The following ADAMTS9 variants were observed in gnomAD, a reference collection of about 807,000 sequenced individuals.
ADAMTS9 encodes the protein ADAM metallopeptidase with thrombospondin type 1 motif 9.
In ADAMTS9, 107 loss-of-function variants were observed where a neutral mutation model predicts 257.1. The observed-to-expected ratio is 0.42, with a 90% CI of 0.36 to 0.49. The LOEUF (loss-of-function observed/expected upper bound fraction) is 0.49, where lower values mean the gene tolerates loss of function less well. Ranked by LOEUF, ADAMTS9 falls within the 20% of genes least tolerant of loss-of-function variation. The pLI, the probability that ADAMTS9 is intolerant of heterozygous loss-of-function variation, is 0.03. For synonymous variants in ADAMTS9, 982 were observed against 880.9 expected (o/e 1.11, Z -2.03); for missense variants, 2,353 against 2,469.1 (o/e 0.95, Z 1.00).
rs183420018 is a variant in ADAMTS9, at chr3:64,679,602, T to C, written c.679+1599A>G. Among the ~76,000 whole-genome samples the C allele has an allele frequency of 1.8e-4, 27 of 152,326 alleles. No homozygotes were observed. In the East Asian group the frequency reaches 4.0e-3, roughly 23 times the overall value. On this transcript the variant is annotated intron_variant, in intron 3 of 39. Coordinates refer to ENST00000498707, the MANE Select transcript of ADAMTS9 (RefSeq NM_182920.2). ...TTTAGGGGAGAAGAATATCATGAAG[T>C]GTCATTGGTCAATAAATTCATCAGT... is the stretch of plus-strand genomic sequence containing the variant.
chr3:64,671,121 C>T (rs550515273), intron 3 of ADAMTS9, among the ~76,000 whole-genome samples: 1 of 152,112 alleles, frequency 6.6e-6, no homozygotes, highest in African/African-American at 2.4e-5. Flanking sequence ...TTGTAATGGT[C>T]AAAAACTGTC....
intron 3 of ADAMTS9, among the ~76,000 whole-genome samples, chr3:64,668,143 G>T (rs771044888): frequency 2.0e-5 from 3 of 152,156 alleles, no homozygotes; most frequent in Non-Finnish European, 2.9e-5. Flanking sequence ...TGCCTCTCAG[G>T]CTGCTTTGTG....
rs139794777 is a variant in ADAMTS9 at position 64,554,949 on chromosome 3, T to G, written c.4699-3887A>C. The stretch of plus-strand genomic sequence containing the variant: ...GGTAGAAATTTTCTTTGCTTAAAGA[T>G]TATAATCAAGTTGCTTTACACTTTC... On this transcript the variant is annotated intron_variant, in intron 30 of 39. Coordinates refer to ENST00000498707, the MANE Select transcript of ADAMTS9 (RefSeq NM_182920.2). Among the ~76,000 whole-genome samples, 270 of 152,350 alleles carry G rather than the reference T, an allele frequency of 1.8e-3. 1 individual carries two copies. Among genetic ancestry groups the G allele is most frequent in the African/African-American group, 6.2e-3 (259 of 41,580 alleles).
intron 3 of ADAMTS9, among the ~76,000 whole-genome samples, chr3:64,679,093 C>T (rs6776363): frequency 6.6e-6 from 1 of 151,968 alleles, no homozygotes; most frequent in African/African-American, 2.4e-5. Context: ...TTTTAACTAA[C>T]GCATCTTCAT....
chr3:64,631,566 C>A lies in ADAMTS9; in HGVS notation c.2294-16G>T. 1 of 1,594,662 alleles carries A rather than the reference C, an allele frequency of 6.3e-7. No homozygotes were observed. The highest frequency in any genetic ancestry group is 8.6e-7 in the Non-Finnish European group (1 of 1,162,316). On this transcript the variant is annotated splice_polypyrimidine_tract_variant and intron_variant, in intron 15 of 39. Coordinates refer to ENST00000498707, the MANE Select transcript of ADAMTS9 (RefSeq NM_182920.2). ...GTATTGTAACCTGAAAAGAATTTAGCAGAAATTCAGTACTCCACAGAATGG... is the reference window on the plus strand; with the variant it reads ...GTATTGTAACCTGAAAAGAATTTAGAAGAAATTCAGTACTCCACAGAATGG...
At chr3:64,552,702 C>T (rs564640261) in intron 30 of ADAMTS9, among the ~76,000 whole-genome samples, 11 of 152,038 alleles carry the variant, frequency 7.2e-5, no homozygotes, top group Admixed American at 2.0e-4. Flanking sequence ...GGACTACAGG[C>T]ATGAGCCACC....
intron 3 of ADAMTS9, among the ~76,000 whole-genome samples, chr3:64,666,942 T>C (rs926144747): frequency 6.6e-6 from 1 of 151,958 alleles, no homozygotes; most frequent in Non-Finnish European, 1.5e-5. Flanking sequence ...AGGCTAGGAG[T>C]TCAAGACCAG....
Position 64,602,124 on chromosome 3 carries a change from G to A in ADAMTS9, c.3837C>T (p.Asp1279=), listed in dbSNP as rs777491406. 45 of 1,614,090 alleles carry A rather than the reference G, an allele frequency of 2.8e-5. No homozygotes were observed. The South Asian group carries it at 4.7e-4, about 17-fold the overall frequency. The part of the protein sequence containing the change: ...SDHVIDRSEC[D]QDYIPETDQD... ...GGTCAGTTTCTGGGATATAATCCTG[G>A]TCACACTCACTCCGATCGATCACGT... The change falls in exon 26 of 40, where the codon GAC becomes GAT. Residue 1279 remains aspartate (D), a synonymous_variant. Transcript: ENST00000498707.
chr3:64,664,241 C>T (rs1036319125), intron 3 of ADAMTS9, among the ~76,000 whole-genome samples: 5 of 152,038 alleles, frequency 3.3e-5, no homozygotes, highest in Admixed American at 6.6e-5. Flanking sequence ...TTTCCTCCTA[C>T]GTAGTTTTAC....
At chr3:64,624,173 A>C (rs1254249963) in intron 16 of ADAMTS9, among the ~76,000 whole-genome samples, 1 of 151,882 alleles carries the variant, frequency 6.6e-6, no homozygotes, top group Admixed American at 6.6e-5. Context: ...AGTTAACTTT[A>C]GTGTATTGCA....
intron 28 of ADAMTS9, among the ~76,000 whole-genome samples, chr3:64,574,572 A>AAAG (rs1559771770): frequency 6.6e-6 from 1 of 151,658 alleles, no homozygotes; most frequent in African/African-American, 2.4e-5. Context: ...AAAAAAAAAA[A>AAAG]AAAAAGAAAA....
chr3:64,517,844 A>G (rs1238947619), intron 39 of ADAMTS9, among the ~76,000 whole-genome samples: 1 of 152,070 alleles, frequency 6.6e-6, no homozygotes, highest in African/African-American at 2.4e-5. Context: ...TGATTTTTCC[A>G]TGCCTCCATC....
Position 64,631,921 on chromosome 3 carries a change from G to C in ADAMTS9, c.2180C>G (p.Ala727Gly). The change falls in exon 15 of 40, where the codon GCT becomes GGT. Residue 727 changes from alanine (A) to glycine (G), a missense_variant. Physicochemically the swap from Ala to Gly is moderately conservative, Grantham distance 60. Coordinates refer to ENST00000498707, the MANE Select transcript of ADAMTS9 (RefSeq NM_182920.2). ...DICVQGLCRQ[A>G]GCDHVLNSKA... Reference sequence around the variant, plus strand: ...TGAGTTTAAAACATGATCGCATCCAGCTTGCTTTTAAAAAGAAAAGATTTG... The same window carrying C: ...TGAGTTTAAAACATGATCGCATCCACCTTGCTTTTAAAAAGAAAAGATTTG... 1 of 1,611,158 alleles carries C rather than the reference G, an allele frequency of 6.2e-7. No individual in the cohort carries two copies. Among genetic ancestry groups the C allele is most frequent in the Non-Finnish European group, 8.5e-7 (1 of 1,178,108 alleles).
intron 28 of ADAMTS9, among the ~76,000 whole-genome samples, chr3:64,591,455 C>T (rs1334717444): frequency 2.6e-5 from 4 of 151,050 alleles, no homozygotes; most frequent in African/African-American, 9.7e-5. Context: ...AAAAAAGGAA[C>T]CTTATTTCAA....
intron 26 of ADAMTS9, among the ~76,000 whole-genome samples, chr3:64,599,160 T>G (rs769375379): frequency 6.6e-6 from 1 of 152,184 alleles, no homozygotes; most frequent in African/African-American, 2.4e-5. Flanking sequence ...ATCTGAATCC[T>G]GAGCCTGCTT....
At chr3:64,602,942 A>G (rs1454594044) in intron 25 of ADAMTS9, among the ~76,000 whole-genome samples, 1 of 152,188 alleles carries the variant, frequency 6.6e-6, no homozygotes, top group Non-Finnish European at 1.5e-5. Flanking sequence ...TTTCACAAAT[A>G]TCTGGTGAGT....
At chr3:64,674,231 T>TAGAGG (rs1701568857) in intron 3 of ADAMTS9, among the ~76,000 whole-genome samples, 1 of 152,184 alleles carries the variant, frequency 6.6e-6, no homozygotes, top group South Asian at 2.1e-4. Context: ...ATTGCTTATA[T>TAGAGG]TGACTGTTTA....
intron 8 of ADAMTS9, among the ~76,000 whole-genome samples, chr3:64,651,796 G>T (rs1408542022): frequency 6.6e-6 from 1 of 152,150 alleles, no homozygotes; most frequent in African/African-American, 2.4e-5. Context: ...ATGGCAAATA[G>T]TTTCATGCTT....
chr3:64,594,317 G>T lies in ADAMTS9; in HGVS notation c.4297C>A (p.Gln1433Lys). The T allele has an allele frequency of 6.2e-7, 1 of 1,613,104 alleles. No homozygotes were observed. Among genetic ancestry groups the T allele is most frequent in the Non-Finnish European group, 8.5e-7 (1 of 1,179,666 alleles). The change falls in exon 28 of 40, where the codon CAG becomes AAG. Residue 1433 changes from glutamine (Q) to lysine (K), a missense_variant. Gln to Lys is a moderately conservative substitution (Grantham distance 53). This residue lies in a region of ADAMTS9 where 1,402 missense variants were observed against 1,441.4 expected (regional missense o/e 0.97). Coordinates refer to ENST00000498707, the MANE Select transcript of ADAMTS9 (RefSeq NM_182920.2). ...EILDKPPDRE[Q>K]CNTHACPHDA... is the part of the protein sequence containing the mutation. ...TGTGGACAAGCATGTGTGTTACACT[G>T]CTCACGATCGGGAGGTTTATCAAGA...
Sources: gnomAD v4.1 joint callset for allele counts (sites outside exome capture counted in the v4.1 genomes callset) on GRCh38, gnomAD v4.1.1 for gene constraint, gnomAD v4.1.1 regional missense constraint, MANE v1.5 for transcripts, NCBI Gene and HGNC (gene_info 2026-07-23, HGNC 2026-07-21) for gene names.